Variants in RICTOR observed in about 807,000 individuals in gnomAD.
RICTOR encodes the protein RPTOR independent companion of MTOR complex 2.
RICTOR carries 49 observed loss-of-function variants against 214.9 expected under a neutral mutation model. The ratio of observed to expected loss-of-function variants is 0.23; its 90% confidence interval spans 0.18 to 0.29. The LOEUF is 0.29. Among genes scored for constraint, RICTOR ranks in the 10% least tolerant of loss-of-function variants. RICTOR has a pLI of 1.00. For synonymous variants in RICTOR, 717 were observed against 711.3 expected (o/e 1.01, Z -0.13); for missense variants, 1,625 against 2,047.0 (o/e 0.79, Z 3.98).
At chr5:38,965,990 C>CA (rs1303167454) in intron 15 of RICTOR, among the ~76,000 whole-genome samples, 3 of 151,998 alleles carry the variant, frequency 2.0e-5, no homozygotes, top group Non-Finnish European at 4.4e-5. Flanking sequence ...TCCTACCTTG[C>CA]AAACTATCAG....
chr5:38,965,228 C>T (rs1161445532), intron 15 of RICTOR, among the ~76,000 whole-genome samples: 1 of 151,820 alleles, frequency 6.6e-6, no homozygotes, highest in African/African-American at 2.4e-5. Context: ...CAGGAATCAA[C>T]CTAAGTTATG....
At chr5:38,957,387 A>G (rs1291621654) in intron 25 of RICTOR, among the ~76,000 whole-genome samples, 3 of 152,206 alleles carry the variant, frequency 2.0e-5, no homozygotes, top group African/African-American at 7.2e-5. Flanking sequence ...TTAGATTATA[A>G]AATCAAATGA....
chr5:39,007,480 G>C (rs1395357307), intron 3 of RICTOR, among the ~76,000 whole-genome samples: 5 of 152,080 alleles, frequency 3.3e-5, no homozygotes, highest in Non-Finnish European at 7.4e-5. Context: ...TTGGAGGTTA[G>C]AAATTCAACA....
In RICTOR at chr5:38,952,442, C is replaced by T. The variant is rs544397047; in HGVS notation, c.2898-17G>A. 7 of 1,459,770 alleles carry T rather than the reference C, an allele frequency of 4.8e-6. No homozygotes were observed. The highest frequency in any genetic ancestry group is 5.8e-6 in the Non-Finnish European group (6 of 1,043,340). The allele number at this position is 1,459,770 out of a possible 1,614,324, so 90.4% of individuals were successfully genotyped here. A position where few individuals can be genotyped will look rare whatever the true frequency, so the allele number is the denominator to read the frequency against. ...ACACAGGTCCTGTATATAAAAGATG[C>T]AGTAAAAACAGTTATAATTCCAAGC... On this transcript the variant is annotated splice_polypyrimidine_tract_variant and intron_variant, in intron 29 of 37. Transcript: ENST00000357387.
intron 2 of RICTOR, among the ~76,000 whole-genome samples, chr5:39,073,354 A>AC (rs951748255): frequency 4.6e-5 from 7 of 152,242 alleles, no homozygotes; most frequent in African/African-American, 1.7e-4. Context: ...GATAGAGGAA[A>AC]CACTGGCTAG....
intron 3 of RICTOR, among the ~76,000 whole-genome samples, chr5:39,017,796 T>C (rs996029747): frequency 1.3e-5 from 2 of 152,166 alleles, no homozygotes; most frequent in African/African-American, 4.8e-5. Context: ...GTTCAATTAC[T>C]TGACAAAGAA....
At position 38,955,627 on chromosome 5, in the gene RICTOR, A is replaced by G. The variant is rs766778019; in HGVS notation, c.2577T>C (p.Asp859=). ...EALTTYRKPV[D]GDNYVRRSNQ... is the part of the protein sequence containing the mutation. ...TACTCCGACGAACATAGTTATCACC[A>G]TCAACAGGCTTCCGGTAAGTAGTAA... is the stretch of plus-strand genomic sequence containing the variant. The change falls in exon 26 of 38, where the codon GAT becomes GAC. Residue 859 remains aspartate, a synonymous_variant. Transcript: ENST00000357387. 4 of 1,609,542 alleles carry G rather than the reference A, an allele frequency of 2.5e-6. No homozygotes were observed. The highest frequency in any genetic ancestry group is 3.4e-6 in the Non-Finnish European group (4 of 1,175,908).
intron 6 of RICTOR, among the ~76,000 whole-genome samples, chr5:38,993,752 A>T (rs573345299): frequency 6.6e-6 from 1 of 152,216 alleles, no homozygotes; most frequent in Non-Finnish European, 1.5e-5. Flanking sequence ...CTAATCCAAA[A>T]ATCCAAAATG....
chr5:39,017,482 C>T (rs1055678967), intron 3 of RICTOR, among the ~76,000 whole-genome samples: 1 of 152,020 alleles, frequency 6.6e-6, no homozygotes, highest in East Asian at 1.9e-4. Context: ...CTACAAAATA[C>T]ATGCCCATAC....
intron 31 of RICTOR, among the ~76,000 whole-genome samples, chr5:38,947,883 C>T (rs1220487722): frequency 3.3e-5 from 5 of 152,062 alleles, no homozygotes; most frequent in South Asian, 4.1e-4. Context: ...AATTACATAT[C>T]ATTATTTGTG....
At chr5:39,013,500 CTG>C (rs1000991351) in intron 3 of RICTOR, among the ~76,000 whole-genome samples, 2 of 152,066 alleles carry the variant, frequency 1.3e-5, no homozygotes, top group African/African-American at 4.8e-5. Flanking sequence ...AAAAATTTGT[CTG>C]TTTATTAAAA....
chr5:38,976,716 C>T (rs1751259704), intron 9 of RICTOR, among the ~76,000 whole-genome samples: 1 of 152,090 alleles, frequency 6.6e-6, no homozygotes, highest in Non-Finnish European at 1.5e-5. Flanking sequence ...ATAATATACC[C>T]TTATTTACAG....
intron 2 of RICTOR, among the ~76,000 whole-genome samples, chr5:39,056,101 G>A (rs147271908): frequency 6.6e-6 from 1 of 152,258 alleles, no homozygotes; most frequent in East Asian, 1.9e-4. Flanking sequence ...TTGACGACAT[G>A]GTTACGATGC....
At chr5:39,043,843 T>A (rs1474973452) in intron 2 of RICTOR, among the ~76,000 whole-genome samples, 2 of 152,144 alleles carry the variant, frequency 1.3e-5, no homozygotes, top group African/African-American at 4.8e-5. Context: ...ATTAGCACGC[T>A]CAGCCCCCTT....
chr5:39,048,029 T>C (rs954424727), intron 2 of RICTOR, among the ~76,000 whole-genome samples: 2 of 152,216 alleles, frequency 1.3e-5, no homozygotes, highest in African/African-American at 2.4e-5. Flanking sequence ...TTCCCACTAA[T>C]TCAGAATAAA....
chr5:39,002,634 T>A lies in RICTOR; in HGVS notation c.293A>T (p.Glu98Val). The A allele has an allele frequency of 6.2e-7, 1 of 1,609,528 alleles. No homozygotes were observed. The highest frequency in any genetic ancestry group is 8.5e-7 in the Non-Finnish European group (1 of 1,178,152). The change falls in exon 5 of 38, where the codon GAA becomes GTA. Residue 98 changes from glutamate (E) to valine (V), a missense_variant. By Grantham distance (121) the Glu-to-Val change is moderately radical. Transcript: ENST00000357387. ...LRLALLNEAK[E>V]VRAAGLRALR... ...CGCTCGTAGCCCTGCTGCTCGCACTTCTTTTGCTTCATTTAATAAAGCTAA... is the reference window on the plus strand; with the variant it reads ...CGCTCGTAGCCCTGCTGCTCGCACTACTTTTGCTTCATTTAATAAAGCTAA...
At chr5:38,957,536 A>G (rs1367907304) in intron 25 of RICTOR, 116 bp downstream of exon 25, 1 of 659,976 alleles carries the variant, frequency 1.5e-6, no homozygotes, top group Non-Finnish European at 2.7e-6. Flanking sequence ...TGATGTTTAA[A>G]TATTTAACCT....
intron 7 of RICTOR, among the ~76,000 whole-genome samples, chr5:38,986,708 T>G (rs1390754214): frequency 6.6e-6 from 1 of 152,184 alleles, no homozygotes; most frequent in East Asian, 1.9e-4. Flanking sequence ...TTTAATACCC[T>G]TTATTTCTTT....
chr5:39,016,709 C>G (rs1307743770), intron 3 of RICTOR, among the ~76,000 whole-genome samples: 2 of 152,082 alleles, frequency 1.3e-5, no homozygotes, highest in African/African-American at 4.8e-5. Context: ...TCAACAGATT[C>G]CTAGAAATGA....
Sources: allele counts gnomAD v4.1 joint callset (sites outside exome capture counted in the v4.1 genomes callset), GRCh38; gene constraint gnomAD v4.1.1; transcripts MANE v1.5; gene names NCBI Gene and HGNC (gene_info 2026-07-23, HGNC 2026-07-21).